The following NEK11 variants were observed in gnomAD, a reference collection of about 807,000 sequenced individuals.
NEK11 encodes the protein serine/threonine-protein kinase Nek11.
Under a neutral mutation model 80.7 loss-of-function variants are expected in NEK11, and 72 were observed. The observed-to-expected ratio is 0.89, with a 90% CI of 0.74 to 1.08. NEK11 has a LOEUF of 1.08. Among genes scored for constraint, NEK11 ranks in the 50% least tolerant of loss-of-function variants. The probability of loss-of-function intolerance (pLI) is 0.00; values close to 1 mark genes in which losing one functional copy is unlikely to be tolerated. For missense variants in NEK11, 764 were observed against 763.6 expected, an observed-to-expected ratio of 1.00 and a Z score of -0.01; for synonymous variants, 251 against 260.7, an observed-to-expected ratio of 0.96 and a Z score of 0.36.
intron 3 of NEK11, among the ~76,000 whole-genome samples, chr3:131,032,946 G>T (rs2065092440): frequency 6.6e-6 from 1 of 152,108 alleles, no homozygotes; most frequent in Non-Finnish European, 1.5e-5. Flanking sequence ...TAAATGGAAG[G>T]TTTTTCTGGA....
chr3:131,119,782 A>T (rs1421686099), intron 5 of NEK11, among the ~76,000 whole-genome samples: 1 of 147,954 alleles, frequency 6.8e-6, no homozygotes, highest in African/African-American at 2.7e-5. Context: ...ATCAGAGACT[A>T]GGATTGCAAC....
chr3:131,179,849 T>C lies in NEK11; in HGVS notation c.1399+8962T>C, dbSNP rs371348122. On this transcript the variant is annotated intron_variant, in intron 14 of 17. Transcript: ENST00000383366. ...AATGATATATAATATAATGATTCAT[T>C]TCAAAATTGATGGTGTCTTTGATTC... Among the ~76,000 whole-genome samples the C allele has an allele frequency of 5.6e-4, 85 of 152,218 alleles. 1 individual carries two copies. The East Asian group carries it at 0.015, about 27-fold the overall frequency.
chr3:131,255,718 G>GA (rs1407880540), intron 16 of NEK11, among the ~76,000 whole-genome samples: 1 of 151,794 alleles, frequency 6.6e-6, no homozygotes, highest in Non-Finnish European at 1.5e-5. Flanking sequence ...AGTGATTATT[G>GA]AAAAAAAAGT....
chr3:131,339,711 A>G (rs906338349), intron 17 of NEK11, among the ~76,000 whole-genome samples: 5 of 152,210 alleles, frequency 3.3e-5, no homozygotes, highest in African/African-American at 1.2e-4. Context: ...TTCTTACAGT[A>G]AACAGGAACA....
At chr3:131,093,978 T>G (rs2077088985) in intron 4 of NEK11, among the ~76,000 whole-genome samples, 1 of 148,722 alleles carries the variant, frequency 6.7e-6, no homozygotes, top group Non-Finnish European at 1.5e-5. Flanking sequence ...TTGGGAAAGC[T>G]GTCCACATCT....
At chr3:131,146,688 G>A (rs1028544052) in intron 7 of NEK11, among the ~76,000 whole-genome samples, 4 of 151,592 alleles carry the variant, frequency 2.6e-5, no homozygotes, top group African/African-American at 4.8e-5. Flanking sequence ...TTTTTTCATA[G>A]TATAACAAGT....
intron 17 of NEK11, among the ~76,000 whole-genome samples, chr3:131,297,642 T>C (rs2096610989): frequency 6.6e-6 from 1 of 152,184 alleles, no homozygotes; most frequent in Admixed American, 6.5e-5. Flanking sequence ...TAGTTTCTTT[T>C]GCTGTGCAGA....
At chr3:131,097,373 T>A (rs2077605096) in intron 4 of NEK11, among the ~76,000 whole-genome samples, 1 of 151,690 alleles carries the variant, frequency 6.6e-6, no homozygotes, top group African/African-American at 2.4e-5. Flanking sequence ...TGTTCCTATT[T>A]CTCCACATCC....
chr3:131,057,038 T>TC (rs557883554), intron 3 of NEK11, among the ~76,000 whole-genome samples: 1 of 55,880 alleles, frequency 1.8e-5, no homozygotes, highest in Non-Finnish European at 3.3e-5. Flanking sequence ...CCCTCCCCCC[T>TC]CCCCCCACCC....
At chr3:131,274,989 T>G (rs1029446103) in intron 17 of NEK11, among the ~76,000 whole-genome samples, 129 of 151,038 alleles carry the variant, frequency 8.5e-4, no homozygotes, top group African/African-American at 3.0e-3. Flanking sequence ...TTCTAACTGG[T>G]GTGAGATGGT....
intron 16 of NEK11, among the ~76,000 whole-genome samples, chr3:131,268,958 G>T (rs2096120889): frequency 1.3e-5 from 2 of 152,158 alleles, no homozygotes; most frequent in Admixed American, 6.5e-5. Context: ...TTTCGGTGAT[G>T]CCCTGCCCAG....
intron 17 of NEK11, 76 bp from the exon 18 acceptor site, chr3:131,349,481 A>G (rs1221157728): frequency 2.4e-6 from 3 of 1,239,150 alleles, no homozygotes; most frequent in Non-Finnish European, 3.4e-6. Context: ...TGTAAAATCA[A>G]TGATTTAAAA....
At chr3:131,262,810 A>G (rs550990535) in intron 16 of NEK11, among the ~76,000 whole-genome samples, 1 of 151,476 alleles carries the variant, frequency 6.6e-6, no homozygotes, top group South Asian at 2.1e-4. Context: ...CTATCCCTCT[A>G]CTTGTCCCCC....
chr3:131,261,565 C>T (rs1267098527), intron 16 of NEK11, among the ~76,000 whole-genome samples: 1 of 152,104 alleles, frequency 6.6e-6, no homozygotes, highest in Non-Finnish European at 1.5e-5. Context: ...TCTAATGAAA[C>T]TACTGAAATA....
chr3:131,201,033 G>GTA (rs936238222), intron 14 of NEK11, among the ~76,000 whole-genome samples: 6 of 152,048 alleles, frequency 3.9e-5, no homozygotes, highest in Non-Finnish European at 8.8e-5. Context: ...AGCAATAAAA[G>GTA]TAAATGGACC....
intron 3 of NEK11, among the ~76,000 whole-genome samples, chr3:131,076,332 G>A (rs1382814713): frequency 6.6e-6 from 1 of 152,178 alleles, no homozygotes; most frequent in Non-Finnish European, 1.5e-5. Flanking sequence ...AAGATTGTAA[G>A]GAAATACACA....
intron 4 of NEK11, among the ~76,000 whole-genome samples, chr3:131,096,477 G>A (rs978023028): frequency 6.6e-6 from 1 of 152,090 alleles, no homozygotes; most frequent in Non-Finnish European, 1.5e-5. Context: ...GAATAGTGTG[G>A]TGATGAACAT....
chr3:131,328,118 C>T (rs1358918084), intron 17 of NEK11, among the ~76,000 whole-genome samples: 1 of 151,814 alleles, frequency 6.6e-6, no homozygotes, highest in Non-Finnish European at 1.5e-5. Context: ...ACACCCTTGT[C>T]TCTACAGAAT....
intron 17 of NEK11, among the ~76,000 whole-genome samples, chr3:131,348,625 T>G (rs749567768): frequency 1.3e-5 from 2 of 151,398 alleles, no homozygotes; most frequent in Non-Finnish European, 2.9e-5. Context: ...GTCTTTAGTT[T>G]GTGACCCTTT....
Sources: allele counts gnomAD v4.1 joint callset (sites outside exome capture counted in the v4.1 genomes callset), GRCh38; gene constraint gnomAD v4.1.1; transcripts MANE v1.5; gene names NCBI Gene and HGNC (gene_info 2026-07-23, HGNC 2026-07-21).